WDR91: variants seen among roughly 807,000 people sequenced by gnomAD.
WDR91 encodes WD repeat-containing protein 91.
WDR91 carries 52 observed loss-of-function variants against 88.4 expected under a neutral mutation model. That is an observed-to-expected ratio of 0.59 (90% CI 0.47 to 0.74). WDR91 has a LOEUF of 0.74. WDR91 is among the 30% of genes least tolerant of loss of function. The pLI is 0.00. For missense variants in WDR91, 824 were observed against 954.5 expected (o/e 0.86, Z 1.80); for synonymous variants, 362 against 389.5 (o/e 0.93, Z 0.83).
intron 6 of WDR91, chr7:135,201,337 T>C (rs561725404): frequency 1.5e-5 from 2 of 133,500 alleles, no homozygotes; most frequent in East Asian, 4.5e-4. Flanking sequence ...GAAGTGTGGT[T>C]TCGCAGTTAT....
Position 135,198,055 on chromosome 7 carries a change from G to T in WDR91, c.988C>A (p.Gln330Lys). ...TTGCCATGGTCCTGCAGGCGCCGCT[G>T]CCGGTGCTGTGACCAACCGGACTCC... ...TGESGWSQHR[Q>K]RRLQDHGKER... Residue 330 changes from glutamine (Q) to lysine (K), a missense_variant, in exon 7 of 15, where the codon CAG becomes AAG. Coordinates refer to ENST00000354475, the MANE Select transcript of WDR91 (RefSeq NM_014149.4). 1 of 1,614,174 alleles carries T rather than the reference G, an allele frequency of 6.2e-7. No homozygotes were observed. The highest frequency in any genetic ancestry group is 1.7e-4 in the Middle Eastern group (1 of 6,060).
intron 12 of WDR91, 48 bp downstream of exon 12, chr7:135,189,296 C>T: frequency 1.3e-6 from 2 of 1,560,020 alleles, no homozygotes; most frequent in Non-Finnish European, 1.7e-6. Flanking sequence ...AAAAAATTGC[C>T]TGGGAAATCT....
At position 135,196,175 on chromosome 7, in the gene WDR91, C is replaced by T. The variant is rs377046958; in HGVS notation, c.1213G>A (p.Gly405Arg). The T allele has an allele frequency of 1.8e-5, 29 of 1,586,962 alleles. No homozygotes were observed. The highest frequency in any genetic ancestry group is 2.7e-5 in the African/African-American group (2 of 73,848). The change falls in exon 8 of 15, where the codon GGG becomes AGG. Residue 405 changes from glycine (G) to arginine (R), a missense_variant. Coordinates refer to ENST00000354475, the MANE Select transcript of WDR91 (RefSeq NM_014149.4). This position sits in a 1 kb window ranked among gnomAD's most constrained non-coding sequence, Gnocchi z 4.2. ...PFIVLGQEEY[G>R]EHHSSIMHCR... Reference sequence around the variant, plus strand: ...TGCATGATGGATGAGTGGTGTTCCCCGTACTCCTCCTGTCCCAGCACAATA... The same window carrying T: ...TGCATGATGGATGAGTGGTGTTCCCTGTACTCCTCCTGTCCCAGCACAATA...
Position 135,207,034 on chromosome 7 carries a change from T to C in WDR91, c.594+86A>G, listed in dbSNP as rs551026511. 5.6e-5 allele frequency: 61 copies of C among 1,097,062 alleles called. No homozygotes were observed. The South Asian group carries it at 7.7e-4, about 14-fold the overall frequency. The allele number at this position is 1,097,062 out of a possible 1,614,324, so 68.0% of individuals were successfully genotyped here. On this transcript the variant is annotated intron_variant, in intron 4 of 14. Coordinates refer to ENST00000354475, the MANE Select transcript of WDR91 (RefSeq NM_014149.4). ...TTAGGTAGTGGCAGTGGAAACCTGATTAATATAGTGTTCCACTGCCACTAC... is the reference window on the plus strand; with the variant it reads ...TTAGGTAGTGGCAGTGGAAACCTGACTAATATAGTGTTCCACTGCCACTAC...
chr7:135,206,994 T>C (rs561578132), intron 4 of WDR91, 126 bp downstream of exon 4: 10 of 590,022 alleles, frequency 1.7e-5, no homozygotes, highest in South Asian at 1.7e-4. Flanking sequence ...TGGTGACTCA[T>C]TTCCATCTGA....
At position 135,198,125 on chromosome 7, in the gene WDR91, G is replaced by A. The variant is rs150604452; in HGVS notation, c.918C>T (p.Ser306=). Residue 306 remains serine, a synonymous_variant, in exon 7 of 15, where the codon TCC becomes TCT. Transcript: ENST00000354475. Reference sequence around the variant, plus strand: ...GGAGGCTCTTCCCATCCTTGGCTCCGGACGTCGGGTCCTTTCCCTTGGTGC... The same window carrying A: ...GGAGGCTCTTCCCATCCTTGGCTCCAGACGTCGGGTCCTTTCCCTTGGTGC... ...GQGTKGKDPT[S]GAKDGKSLLS... The A allele has an allele frequency of 2.0e-5, 33 of 1,613,382 alleles. No individual in the cohort carries two copies. The highest frequency in any genetic ancestry group is 1.9e-4 in the South Asian group (17 of 91,068).
chr7:135,207,499 A>T (rs979722329), intron 3 of WDR91: 1 of 426,112 alleles, frequency 2.3e-6, no homozygotes, highest in Non-Finnish European at 4.7e-6. Flanking sequence ...AAATACCAGA[A>T]GCAAAGAGCT....
intron 11 of WDR91, among the ~76,000 whole-genome samples, chr7:135,190,646 TGAGA>T: frequency 6.6e-6 from 1 of 151,158 alleles, no homozygotes; most frequent in East Asian, 2.0e-4. Context: ...TGGGTAAAAA[TGAGA>T]GACTATAAAC....
At chr7:135,207,371 T>C (rs776378831) in intron 3 of WDR91, 169 bp from the exon 4 acceptor site, 1 of 629,406 alleles carries the variant, frequency 1.6e-6, no homozygotes, top group East Asian at 3.4e-5. Context: ...TACAGTCTTG[T>C]CTCTAAGACT....
intron 3 of WDR91, among the ~76,000 whole-genome samples, chr7:135,207,761 C>T (rs373241044): frequency 2.0e-5 from 3 of 152,248 alleles, no homozygotes; most frequent in South Asian, 2.1e-4. Flanking sequence ...TGGTCCTTCT[C>T]CACTGCCTCA....
intron 3 of WDR91, 117 bp downstream of exon 3, chr7:135,208,674 A>G: frequency 1.1e-6 from 1 of 939,042 alleles, no homozygotes. Context: ...TGACCCATAA[A>G]AATGGTCCCT....
At chr7:135,191,405 C>T (rs1035262105) in intron 11 of WDR91, among the ~76,000 whole-genome samples, 3 of 151,990 alleles carry the variant, frequency 2.0e-5, no homozygotes, top group African/African-American at 4.8e-5. Context: ...GTCAGGAGTT[C>T]GAGACCTGGC....
intron 12 of WDR91, 52 bp from the exon 13 acceptor site, chr7:135,188,597 G>C (rs1456777303): frequency 6.6e-7 from 1 of 1,505,032 alleles, no homozygotes; most frequent in Admixed American, 1.7e-5. Flanking sequence ...TCTGCAGAAG[G>C]AATCTGCCTG....
At chr7:135,205,786 A>T in intron 5 of WDR91, 142 bp downstream of exon 5, 1 of 1,235,410 alleles carries the variant, frequency 8.1e-7, no homozygotes, top group Non-Finnish European at 1.1e-6. Flanking sequence ...GCTCTCAAGC[A>T]AGAGCAGTGT....
At position 135,206,765 on chromosome 7, in the gene WDR91, G is replaced by GTA. The variant is rs142407249; in HGVS notation, c.594+353_594+354dup. On this transcript the variant is annotated intron_variant, in intron 4 of 14. Coordinates refer to ENST00000354475, the MANE Select transcript of WDR91 (RefSeq NM_014149.4). ...ATACATATAGTTTACATATATATGT[G>GTA]TATATATATATACACACATATATAG... Among the ~76,000 whole-genome samples the GTA allele has an allele frequency of 3.2e-3, 477 of 150,464 alleles. 1 individual carries two copies. Among genetic ancestry groups the GTA allele is most frequent in the African/African-American group, 7.5e-3 (308 of 40,970 alleles).
chr7:135,195,258 T>G (rs1017832869), intron 8 of WDR91, among the ~76,000 whole-genome samples, 174 bp from the exon 9 acceptor site: 2 of 152,272 alleles, frequency 1.3e-5, no homozygotes, highest in African/African-American at 4.8e-5. Flanking sequence ...ATTCATTCGT[T>G]TGTCTAAGAA....
In WDR91 at chr7:135,207,057, T is replaced by A; in HGVS notation, c.594+63A>T. 2.1e-6 allele frequency: 3 copies of A among 1,420,320 alleles called. 1 individual carries two copies. The highest frequency in any genetic ancestry group is 2.9e-6 in the Non-Finnish European group (3 of 1,025,840). 88.0% of individuals were successfully genotyped at this position (1,420,320 alleles called of 1,614,324 possible). On this transcript the variant is annotated intron_variant, in intron 4 of 14. Transcript: ENST00000354475. ...GATTAATATAGTGTTCCACTGCCAC[T>A]ACCTAATTTCACACACAAAAAGCAG...
Position 135,186,204 on chromosome 7 carries a change from C to T in WDR91, c.2191G>A (p.Ala731Thr), listed in dbSNP as rs370475929. Residue 731 changes from alanine to threonine, a missense_variant, in exon 15 of 15, where the codon GCC (alanine) becomes ACC (threonine). Ala to Thr is a moderately conservative substitution (Grantham distance 58). Coordinates refer to ENST00000354475, the MANE Select transcript of WDR91 (RefSeq NM_014149.4). ...TAMDCGTCLTASMDGKIKLTT... is the reference protein window; with the variant it reads ...TAMDCGTCLTTSMDGKIKLTT... ...AGCTTGATCTTGCCATCCATGGAGG[C>T]GGTGAGGCAGGTCCCACAGTCCATG... 208 of 1,607,268 alleles carry T rather than the reference C, an allele frequency of 1.3e-4. No homozygotes were observed. The highest frequency in any genetic ancestry group is 1.6e-4 in the Non-Finnish European group (194 of 1,177,298).
In WDR91 at chr7:135,207,137, C is replaced by G. The variant is rs764418488; in HGVS notation, c.577G>C (p.Glu193Gln). 4.4e-6 allele frequency: 7 copies of G among 1,606,880 alleles called. No homozygotes were observed. The South Asian group carries it at 6.6e-5, about 15-fold the overall frequency. Reference sequence around the variant, plus strand: ...GAACAAACCTTCTGACGCAGAACTTCATTTTCTTCTTGAACCTGGTTAGTC... The same window carrying G: ...GAACAAACCTTCTGACGCAGAACTTGATTTTCTTCTTGAACCTGGTTAGTC... ...QRTNQVQEEN[E>Q]VLRQKLFALQ... The change falls in exon 4 of 15, where the codon GAA becomes CAA. Residue 193 changes from glutamate (E) to glutamine (Q), a missense_variant. By Grantham distance (29) the Glu-to-Gln change is conservative. Coordinates refer to ENST00000354475, the MANE Select transcript of WDR91 (RefSeq NM_014149.4).
Sources: gnomAD v4.1 joint callset for allele counts (sites outside exome capture counted in the v4.1 genomes callset) on GRCh38, gnomAD v4.1.1 for gene constraint, Gnocchi (gnomAD v3.1) non-coding constraint, MANE v1.5 for transcripts, NCBI Gene and HGNC (gene_info 2026-07-23, HGNC 2026-07-21) for gene names.